Variants in TTC7A observed in about 807,000 individuals in gnomAD.
The protein encoded by TTC7A is tetratricopeptide repeat domain 7A.
In TTC7A, 110 loss-of-function variants were observed where a neutral mutation model predicts 103.7. That is an observed-to-expected ratio of 1.06 (90% CI 0.91 to 1.24). The LOEUF is 1.24. Among genes scored for constraint, TTC7A ranks in the 50% most tolerant of loss-of-function variants. The probability of loss-of-function intolerance (pLI) is 0.00; values close to 1 mark genes in which losing one functional copy is unlikely to be tolerated. For missense variants in TTC7A, 1,340 were observed against 1,116.3 expected (o/e 1.20, Z -2.86); for synonymous variants, 521 against 467.9 (o/e 1.11, Z -1.47).
chr2:46,948,758 C>G (rs1352779847), intron 1 of TTC7A, among the ~76,000 whole-genome samples: 1 of 152,176 alleles, frequency 6.6e-6, no homozygotes, highest in Non-Finnish European at 1.5e-5. Flanking sequence ...CTGTGCCCAG[C>G]TAAGGCATGC....
At chr2:47,038,271 A>G (rs568216580) in intron 15 of TTC7A, among the ~76,000 whole-genome samples, 6,636 of 151,624 alleles carry the variant, frequency 0.044, 193 homozygotes, top group South Asian at 0.1. Context: ...AAAAAAAAAA[A>G]AAAGAAAGAA....
chr2:46,925,921 G>A (rs963219328), intron 2 of TTC7A, among the ~76,000 whole-genome samples: 1 of 152,184 alleles, frequency 6.6e-6, no homozygotes, highest in Non-Finnish European at 1.5e-5. Context: ...CACTACAACA[G>A]TGCCACCCAG....
chr2:46,935,556 C>G lies in TTC7A; in HGVS notation c.83-14807C>G, dbSNP rs556054387. On this transcript the variant is annotated intron_variant, in intron 2 of 20. Transcript: ENST00000409245. The stretch of plus-strand genomic sequence containing the variant: ...GAACAAGCTAAGCTTTGCGTTATCA[C>G]AAAAATTGTCTTGATGGTATTTGCT... 2.0e-5 allele frequency among the ~76,000 whole-genome samples: 3 copies of G among 152,276 alleles called. No homozygotes were observed. In the East Asian group the frequency reaches 5.8e-4, roughly 29 times the overall value.
intron 8 of TTC7A, among the ~76,000 whole-genome samples, chr2:47,001,395 A>G (rs900662952): frequency 6.6e-6 from 1 of 151,888 alleles, no homozygotes; most frequent in Non-Finnish European, 1.5e-5. Flanking sequence ...GACTGAGGGA[A>G]TGGGGGGTGG....
intron 18 of TTC7A, chr2:47,053,985 T>A (rs1683115681): frequency 2.4e-6 from 1 of 415,866 alleles, no homozygotes; most frequent in Non-Finnish European, 3.2e-6. Flanking sequence ...CAAGTAAGGT[T>A]AAAGGCCCTC....
intron 19 of TTC7A, among the ~76,000 whole-genome samples, chr2:47,066,928 G>T (rs1684226903): frequency 6.6e-6 from 1 of 152,202 alleles, no homozygotes; most frequent in Non-Finnish European, 1.5e-5. Flanking sequence ...AGTTCTGGAG[G>T]CTGAGAAGTC....
At chr2:46,998,975 G>C (rs1676506346) in intron 8 of TTC7A, among the ~76,000 whole-genome samples, 1 of 152,122 alleles carries the variant, frequency 6.6e-6, no homozygotes, top group Non-Finnish European at 1.5e-5. Context: ...CTAGTTTTGG[G>C]TCTTCGGAGC....
At chr2:47,022,941 C>T (rs553712805) in intron 12 of TTC7A, among the ~76,000 whole-genome samples, 4 of 152,342 alleles carry the variant, frequency 2.6e-5, no homozygotes, top group South Asian at 2.1e-4. Context: ...CATGTTAAAC[C>T]TTCCTGGGTA....
chr2:46,940,807 C>A (rs1293455662), upstream of TTC7A, among the ~76,000 whole-genome samples: 2 of 152,152 alleles, frequency 1.3e-5, no homozygotes, highest in African/African-American at 4.8e-5. This position sits in a 1 kb window ranked among gnomAD's most constrained non-coding sequence, Gnocchi z 4.7. Context: ...CGGACAGCGG[C>A]AGGCCAGCTC....
intron 15 of TTC7A, chr2:47,034,464 A>G (rs1445329976): frequency 6.6e-6 from 1 of 152,216 alleles, no homozygotes; most frequent in Non-Finnish European, 1.5e-5. Flanking sequence ...TGGGCCACTG[A>G]TAAGCGTCCT....
chr2:47,054,736 G>A (rs1434492154), intron 18 of TTC7A, among the ~76,000 whole-genome samples: 1 of 151,966 alleles, frequency 6.6e-6, no homozygotes, highest in Non-Finnish European at 1.5e-5. Flanking sequence ...TCTGGAGGCT[G>A]AGGTGGGAGG....
chr2:47,030,253 A>G (rs573663933), intron 15 of TTC7A, among the ~76,000 whole-genome samples: 1 of 152,322 alleles, frequency 6.6e-6, no homozygotes, highest in South Asian at 2.1e-4. Flanking sequence ...CTGATAGGTG[A>G]CTCACGCTGT....
At position 46,974,956 on chromosome 2, in the gene TTC7A, C is replaced by T. The variant is rs1422018139; in HGVS notation, c.518-17C>T. On this transcript the variant is annotated splice_polypyrimidine_tract_variant and intron_variant, in intron 3 of 19. Transcript: ENST00000319190. ...GCCCGAGCAGGACAGGTCTGAGGCA[C>T]CCTCTTCCTCCCGCAGGCCTCTCTC... 1.2e-6 allele frequency: 2 copies of T among 1,612,116 alleles called. No individual in the cohort carries two copies. Among genetic ancestry groups the T allele is most frequent in the East Asian group, 4.5e-5 (2 of 44,812 alleles).
chr2:46,974,926 AG>A, intron 3 of TTC7A, 46 bp from the exon 4 acceptor site: 2 of 1,597,834 alleles, frequency 1.3e-6, no homozygotes, highest in Non-Finnish European at 1.7e-6. Context: ...GCCTGGAGTC[AG>A]GGGGCCCGAG....
chr2:47,062,510 C>T (rs569302668), intron 19 of TTC7A, among the ~76,000 whole-genome samples: 1 of 152,318 alleles, frequency 6.6e-6, no homozygotes, highest in African/African-American at 2.4e-5. Context: ...ACATTAGCTT[C>T]TTTGATAAAT....
rs1558658947 is a variant in TTC7A at position 47,074,498 on chromosome 2, A to C, written c.*575A>C. ...TACCAAGTGCCTTTGGGGTCTGACC[A>C]GGGGTACTGAGCACCGGCCCTAACA... is the stretch of plus-strand genomic sequence containing the variant. On this transcript the variant is annotated 3_prime_UTR_variant, in exon 20 of 20. Coordinates refer to ENST00000319190, the MANE Select transcript of TTC7A (RefSeq NM_020458.4). The C allele has an allele frequency of 1.1e-5, 1 of 92,496 alleles. No homozygotes were observed. Among genetic ancestry groups the C allele is most frequent in the Non-Finnish European group, 2.2e-5 (1 of 44,624 alleles). 5.7% of individuals were successfully genotyped at this position (92,496 alleles called of 1,614,324 possible).
At position 47,060,788 on chromosome 2, in the gene TTC7A, G is replaced by T; in HGVS notation, c.2172G>T (p.Gln724His). 1 of 1,610,484 alleles carries T rather than the reference G, an allele frequency of 6.2e-7. No homozygotes were observed. Reference sequence around the variant, plus strand: ...TTGCAGCTGAGCTGTTCATGGAGCAGCAGCACCTCAAGGAAGCAGGTTTCT... The same window carrying T: ...TTGCAGCTGAGCTGTTCATGGAGCATCAGCACCTCAAGGAAGCAGGTTTCT... Reference protein sequence around the residue: ...WLQAAELFMEQQHLKEAGFCI... With the variant: ...WLQAAELFMEHQHLKEAGFCI... Residue 724 changes from glutamine to histidine, a missense_variant, in exon 19 of 20, where the codon CAG (glutamine) becomes CAT (histidine). Transcript: ENST00000319190.
At chr2:47,015,928 T>C (rs1678606750) in intron 11 of TTC7A, among the ~76,000 whole-genome samples, 2 of 152,128 alleles carry the variant, frequency 1.3e-5, no homozygotes, top group African/African-American at 4.8e-5. Flanking sequence ...TAACAGCAGG[T>C]TCCGGGCTCG....
intron 3 of TTC7A, among the ~76,000 whole-genome samples, chr2:46,967,181 C>T (rs1444789287): frequency 6.6e-6 from 1 of 151,988 alleles, no homozygotes; most frequent in Non-Finnish European, 1.5e-5. Flanking sequence ...CCACTGCACT[C>T]CAGCCTGGGT....
Sources: gnomAD v4.1 joint callset for allele counts (sites outside exome capture counted in the v4.1 genomes callset) on GRCh38, gnomAD v4.1.1 for gene constraint, Gnocchi (gnomAD v3.1) non-coding constraint, MANE v1.5 for transcripts, NCBI Gene and HGNC (gene_info 2026-07-23, HGNC 2026-07-21) for gene names.